ZMYM4: variants seen among roughly 807,000 people sequenced by gnomAD.
ZMYM4 encodes the protein zinc finger MYM-type protein 4.
A neutral mutation model predicts 183.2 loss-of-function variants in ZMYM4; 31 were observed. That is an observed-to-expected ratio of 0.17 (90% CI 0.13 to 0.23). ZMYM4 has a LOEUF of 0.23. Ranked by LOEUF, ZMYM4 falls within the 10% of genes least tolerant of loss-of-function variation. The pLI, the probability that ZMYM4 is intolerant of heterozygous loss-of-function variation, is 1.00. For synonymous variants in ZMYM4, 592 were observed against 631.2 expected (o/e 0.94, Z 0.93); for missense variants, 1,273 against 1,840.3 (o/e 0.69, Z 5.64).
chr1:35,322,270 C>G (rs1642313564), intron 1 of ZMYM4, among the ~76,000 whole-genome samples: 1 of 152,088 alleles, frequency 6.6e-6, no homozygotes, highest in Non-Finnish European at 1.5e-5. Context: ...AGAATATTAA[C>G]CATTATTATA....
intron 19 of ZMYM4, chr1:35,397,087 T>C: frequency 2.9e-6 from 3 of 1,052,352 alleles, no homozygotes; most frequent in Non-Finnish European, 3.4e-6. Flanking sequence ...TATGAGAAAA[T>C]TGTGAGAAAT....
chr1:35,342,997 T>A (rs1643258808), intron 2 of ZMYM4, among the ~76,000 whole-genome samples: 1 of 152,108 alleles, frequency 6.6e-6, no homozygotes, highest in Non-Finnish European at 1.5e-5. Flanking sequence ...ATTCTTCATG[T>A]ATACTAGTTT....
chr1:35,413,472 T>C (rs1639994424), intron 26 of ZMYM4, among the ~76,000 whole-genome samples: 1 of 152,240 alleles, frequency 6.6e-6, no homozygotes. Flanking sequence ...AGTTGAGAGC[T>C]GTAGTTAGAA....
At chr1:35,386,922 T>C in intron 11 of ZMYM4, 81 bp from the exon 12 acceptor site, 1 of 1,459,424 alleles carries the variant, frequency 6.9e-7, no homozygotes, top group South Asian at 1.3e-5. Flanking sequence ...CCTAGAACGG[T>C]GCTTGGCATA....
At chr1:35,276,843 G>A (rs892818806) in intron 1 of ZMYM4, among the ~76,000 whole-genome samples, 3 of 152,152 alleles carry the variant, frequency 2.0e-5, no homozygotes, top group African/African-American at 7.2e-5. Context: ...CTGATTTCAA[G>A]TGATCCACCC....
chr1:35,405,596 A>G lies in ZMYM4; in HGVS notation c.3796+128A>G, dbSNP rs1018376946. 3 of 768,428 alleles carry G rather than the reference A, an allele frequency of 3.9e-6. No homozygotes were observed. In the African/African-American group the frequency reaches 5.4e-5, roughly 14 times the overall value. The allele number at this position is 768,428 out of a possible 1,614,324, so 47.6% of individuals were successfully genotyped here. On this transcript the variant is annotated intron_variant, in intron 25 of 29. Transcript: ENST00000314607. ...AAGGTTAGAAAGAGAAATTAATCTT[A>G]TCCCGTTTTAAGGAGGTTGTTATAA...
Position 35,268,932 on chromosome 1 carries a change from G to C in ZMYM4, c.-115G>C. 1 of 1,229,356 alleles carries C rather than the reference G, an allele frequency of 8.1e-7. No homozygotes were observed. Among genetic ancestry groups the C allele is most frequent in the Non-Finnish European group, 1.0e-6 (1 of 959,224 alleles). 76.2% of individuals were successfully genotyped at this position (1,229,356 alleles called of 1,614,324 possible). On this transcript the variant is annotated 5_prime_UTR_variant, in exon 1 of 30. Transcript: ENST00000314607. ...CACTCTCGGCGCAAGGCCCGGCCGG[G>C]TCCGGGGAAGCTGCCGCGAGGCGGC...
chr1:35,389,147 C>T lies in ZMYM4; in HGVS notation c.2436+65C>T. Reference sequence around the variant, plus strand: ...CATAAATTATTCCCTTTTAAAATTTCATGTCACATAAAGGACAATTTAATT... The same window carrying T: ...CATAAATTATTCCCTTTTAAAATTTTATGTCACATAAAGGACAATTTAATT... On this transcript the variant is annotated intron_variant, in intron 14 of 29. Transcript: ENST00000314607. The surrounding 1 kb of genome is among the most constrained non-coding windows in gnomAD (Gnocchi z 4.0). 1 of 1,478,338 alleles carries T rather than the reference C, an allele frequency of 6.8e-7. No individual in the cohort carries two copies. The highest frequency in any genetic ancestry group is 9.1e-7 in the Non-Finnish European group (1 of 1,097,844). The allele number at this position is 1,478,338 out of a possible 1,614,324, so 91.6% of individuals were successfully genotyped here.
chr1:35,281,972 T>C (rs72658001), intron 1 of ZMYM4, among the ~76,000 whole-genome samples: 3,796 of 152,322 alleles, frequency 0.025, 79 homozygotes, highest in Non-Finnish European at 0.039. Flanking sequence ...CCAGTTATAG[T>C]ATGTATCAGA....
At chr1:35,308,765 G>A (rs756256272) in intron 1 of ZMYM4, among the ~76,000 whole-genome samples, 36 of 152,190 alleles carry the variant, frequency 2.4e-4, no homozygotes, top group Non-Finnish European at 4.1e-4. Flanking sequence ...GGAGGCTGAG[G>A]TGGGAGGTTT....
Position 35,285,593 on chromosome 1 carries a change from T to C in ZMYM4, c.39+16508T>C, listed in dbSNP as rs961793420. Among the ~76,000 whole-genome samples, 7 of 152,146 alleles carry C rather than the reference T, an allele frequency of 4.6e-5. No homozygotes were observed. The South Asian group carries it at 8.3e-4, about 18-fold the overall frequency. On this transcript the variant is annotated intron_variant, in intron 1 of 29. Coordinates refer to ENST00000314607, the MANE Select transcript of ZMYM4 (RefSeq NM_005095.3). Reference sequence around the variant, plus strand: ...GGACCAGAGGAAAAAAAATACAACATTTAAAAATAGAGTATAACAACTGTT... The same window carrying C: ...GGACCAGAGGAAAAAAAATACAACACTTAAAAATAGAGTATAACAACTGTT...
In ZMYM4 at chr1:35,415,461, T is replaced by G; in HGVS notation, c.4061-5T>G. On this transcript the variant is annotated splice_polypyrimidine_tract_variant and splice_region_variant and intron_variant, in intron 27 of 29. Coordinates refer to ENST00000314607, the MANE Select transcript of ZMYM4 (RefSeq NM_005095.3). ...ACTGTTTCTTGTACCCCTTCTTCTG[T>G]CTAGGTTACATGTTCTCTCGCATTG... is the stretch of plus-strand genomic sequence containing the variant. The G allele has an allele frequency of 3.1e-6, 5 of 1,614,214 alleles. No homozygotes were observed. Among genetic ancestry groups the G allele is most frequent in the Non-Finnish European group, 4.2e-6 (5 of 1,180,026 alleles).
intron 1 of ZMYM4, among the ~76,000 whole-genome samples, chr1:35,287,804 C>G (rs551211686): frequency 6.6e-6 from 1 of 152,174 alleles, no homozygotes; most frequent in South Asian, 2.1e-4. Context: ...TGGGGTTTCA[C>G]CATGTTGGTC....
chr1:35,403,346 C>T (rs1002337246), intron 23 of ZMYM4, among the ~76,000 whole-genome samples: 8 of 152,254 alleles, frequency 5.3e-5, no homozygotes, highest in Non-Finnish European at 7.3e-5. Context: ...AGTGCAATGG[C>T]GCGATCTCGG....
intron 16 of ZMYM4, 25 bp downstream of exon 16, chr1:35,392,377 A>G: frequency 6.2e-7 from 1 of 1,606,180 alleles, no homozygotes; most frequent in East Asian, 2.2e-5. Flanking sequence ...GAAAGCATTT[A>G]TCTAGCCTAT....
chr1:35,275,656 C>T (rs1397479921), intron 1 of ZMYM4, among the ~76,000 whole-genome samples: 1 of 151,996 alleles, frequency 6.6e-6, no homozygotes, highest in Non-Finnish European at 1.5e-5. Flanking sequence ...GTGATATTTC[C>T]CTTAAAAATT....
intron 26 of ZMYM4, among the ~76,000 whole-genome samples, chr1:35,411,184 TTTC>T (rs1639875412): frequency 6.6e-6 from 1 of 151,300 alleles, no homozygotes; most frequent in East Asian, 1.9e-4. Context: ...ATTTTTCTTT[TTTC>T]TTTTTTTTTT....
At chr1:35,387,868 A>G (rs16837316) in intron 13 of ZMYM4, among the ~76,000 whole-genome samples, 11,319 of 152,236 alleles carry the variant, frequency 0.074, 1,091 homozygotes, top group African/African-American at 0.22. Context: ...TAGGTTCCCC[A>G]TTATTAGGTT....
intron 2 of ZMYM4, among the ~76,000 whole-genome samples, chr1:35,343,696 C>T (rs867555796): frequency 2.2e-4 from 33 of 152,184 alleles, no homozygotes; most frequent in African/African-American, 7.7e-4. Flanking sequence ...GAAACCCCAT[C>T]TCTACTAAAA....
Sources: allele counts gnomAD v4.1 joint callset (sites outside exome capture counted in the v4.1 genomes callset), GRCh38; gene constraint gnomAD v4.1.1; non-coding constraint Gnocchi (gnomAD v3.1); transcripts MANE v1.5; gene names NCBI Gene and HGNC (gene_info 2026-07-23, HGNC 2026-07-21).